Variants in KPNA1 observed in about 807,000 individuals in gnomAD.
The protein encoded by KPNA1 is karyopherin subunit alpha 1, also known as importin subunit alpha-5.
Under a neutral mutation model 70.5 loss-of-function variants are expected in KPNA1, and 10 were observed. That is an observed-to-expected ratio of 0.14 (90% CI 0.09 to 0.24). The LOEUF (loss-of-function observed/expected upper bound fraction) is 0.24, where lower values mean the gene tolerates loss of function less well. Among genes scored for constraint, KPNA1 ranks in the 10% least tolerant of loss-of-function variants. KPNA1 has a pLI of 1.00. For missense variants in KPNA1, 397 were observed against 637.9 expected (o/e 0.62, Z 4.07); for synonymous variants, 192 against 221.9 (o/e 0.87, Z 1.20).
chr3:122,433,396 C>T, intron 12 of KPNA1: 1 of 323,096 alleles, frequency 3.1e-6, no homozygotes, highest in Non-Finnish European at 5.6e-6. Flanking sequence ...TCGACTATGC[C>T]TACTTCTTAT....
At chr3:122,505,411 T>C (rs1191974464) in intron 1 of KPNA1, among the ~76,000 whole-genome samples, 1 of 151,984 alleles carries the variant, frequency 6.6e-6, no homozygotes, top group Non-Finnish European at 1.5e-5. Context: ...GGACTGAAGA[T>C]AGCTTTGATA....
chr3:122,462,929 A>C (rs1359244805), intron 4 of KPNA1, among the ~76,000 whole-genome samples: 1 of 152,188 alleles, frequency 6.6e-6, no homozygotes, highest in African/African-American at 2.4e-5. Flanking sequence ...TATATCAAAA[A>C]AAGTACTTAC....
Position 122,423,560 on chromosome 3 carries a change from GA to G in KPNA1, c.*3424del, listed in dbSNP as rs2075783665. The G allele has an allele frequency of 6.6e-6, 1 of 152,424 alleles. No individual in the cohort carries two copies. Among genetic ancestry groups the G allele is most frequent in the Admixed American group, 6.5e-5 (1 of 15,276 alleles). The allele number at this position is 152,424 out of a possible 1,614,324, so 9.4% of individuals were successfully genotyped here. A position where few individuals can be genotyped will look rare whatever the true frequency, so the allele number is the denominator to read the frequency against. On this transcript the variant is annotated 3_prime_UTR_variant, in exon 14 of 14. Transcript: ENST00000344337. ...ATAAAAATTTTCACAAAACTAGCGAGAAAGAAAAACCCCTTGACTCCAGGAA... is the reference window on the plus strand; with the variant it reads ...ATAAAAATTTTCACAAAACTAGCGAGAAGAAAAACCCCTTGACTCCAGGAA...
rs538543382 is a variant in KPNA1 at position 122,436,689 on chromosome 3, C to A, written c.1122+481G>T. Among the ~76,000 whole-genome samples the A allele has an allele frequency of 1.6e-4, 24 of 152,316 alleles. No individual in the cohort carries two copies. The South Asian group carries it at 5.0e-3, about 32-fold the overall frequency. Reference sequence around the variant, plus strand: ...TAAGTGTAAATTTCAAAAGACTTAACATCTATAAGCTAGGATAAAGTAAAA... The same window carrying A: ...TAAGTGTAAATTTCAAAAGACTTAAAATCTATAAGCTAGGATAAAGTAAAA... On this transcript the variant is annotated intron_variant, in intron 11 of 13. Transcript: ENST00000344337.
At position 122,488,033 on chromosome 3, in the gene KPNA1, G is replaced by A. The variant is rs2076650170; in HGVS notation, c.129+8404C>T. Reference sequence around the variant, plus strand: ...ATGTAGAAAATCTGAATGTTGACTAGATGCTTAATATTAAAAAACTAACTT... The same window carrying A: ...ATGTAGAAAATCTGAATGTTGACTAAATGCTTAATATTAAAAAACTAACTT... On this transcript the variant is annotated intron_variant, in intron 2 of 13. Coordinates refer to ENST00000344337, the MANE Select transcript of KPNA1 (RefSeq NM_002264.4). Among the ~76,000 whole-genome samples, 4 of 152,218 alleles carry A rather than the reference G, an allele frequency of 2.6e-5. No individual in the cohort carries two copies. In the South Asian group the frequency reaches 8.3e-4, roughly 32 times the overall value.
rs1453056790 is a variant in KPNA1 at position 122,425,682 on chromosome 3, A to T, written c.*1303T>A. On this transcript the variant is annotated 3_prime_UTR_variant, in exon 14 of 14. Transcript: ENST00000344337. The stretch of plus-strand genomic sequence containing the variant: ...AGGTACAGATTGCAGTCATCATTAA[A>T]TGAGCCAGAAGGCAGATACTGTTTT... The T allele has an allele frequency of 1.3e-5, 2 of 152,712 alleles. No homozygotes were observed. Among genetic ancestry groups the T allele is most frequent in the East Asian group, 3.8e-4 (2 of 5,206 alleles). 9.5% of individuals were successfully genotyped at this position (152,712 alleles called of 1,614,324 possible).
chr3:122,497,075 T>G (rs2076771623), intron 1 of KPNA1, among the ~76,000 whole-genome samples: 1 of 152,216 alleles, frequency 6.6e-6, no homozygotes, highest in Admixed American at 6.5e-5. Flanking sequence ...TGTACAACCT[T>G]CATCATAGTG....
chr3:122,504,411 C>T (rs1382844530), intron 1 of KPNA1, among the ~76,000 whole-genome samples: 1 of 152,102 alleles, frequency 6.6e-6, no homozygotes, highest in Admixed American at 6.5e-5. Context: ...ACCCAAAGGC[C>T]TCATCTTCAA....
intron 1 of KPNA1, among the ~76,000 whole-genome samples, chr3:122,506,948 T>C (rs2107509279): frequency 6.6e-6 from 1 of 152,314 alleles, no homozygotes; most frequent in Admixed American, 6.5e-5. Flanking sequence ...GTAGTATGTG[T>C]AAGACTGTTC....
At chr3:122,462,202 A>C (rs1272009631) in intron 4 of KPNA1, among the ~76,000 whole-genome samples, 3 of 151,762 alleles carry the variant, frequency 2.0e-5, no homozygotes, top group South Asian at 2.1e-4. Flanking sequence ...AAGAACAATA[A>C]GTCAGAATAG....
At chr3:122,502,141 A>G (rs185993583) in intron 1 of KPNA1, among the ~76,000 whole-genome samples, 11 of 152,306 alleles carry the variant, frequency 7.2e-5, no homozygotes, top group Non-Finnish European at 1.5e-4. Context: ...CCTTTTACAG[A>G]TAAGGAATCA....
At chr3:122,431,886 C>G (rs2075915125) in intron 12 of KPNA1, among the ~76,000 whole-genome samples, 1 of 151,874 alleles carries the variant, frequency 6.6e-6, no homozygotes, top group Non-Finnish European at 1.5e-5. Flanking sequence ...TCACTGCAAC[C>G]TCTGCCTCCC....
chr3:122,430,131 T>C (rs2075881336), intron 12 of KPNA1, among the ~76,000 whole-genome samples: 1 of 152,036 alleles, frequency 6.6e-6, no homozygotes, highest in Admixed American at 6.6e-5. Context: ...CTTTTTTAAT[T>C]GTGTGGTGGC....
At chr3:122,442,886 G>C (rs537682877) in intron 9 of KPNA1, 1 of 152,278 alleles carries the variant, frequency 6.6e-6, no homozygotes, top group Non-Finnish European at 1.5e-5. Context: ...CAGAGTGATC[G>C]ACGCAGAAGA....
chr3:122,509,331 A>C (rs1445484563), intron 1 of KPNA1, among the ~76,000 whole-genome samples: 4 of 152,182 alleles, frequency 2.6e-5, no homozygotes, highest in Non-Finnish European at 4.4e-5. Context: ...GTAGGCACAT[A>C]CACTAATTCT....
intron 2 of KPNA1, among the ~76,000 whole-genome samples, chr3:122,494,446 A>G (rs530986224): frequency 9.9e-5 from 15 of 152,276 alleles, no homozygotes; most frequent in African/African-American, 3.6e-4. Context: ...GGTTGACAGT[A>G]TGGGGCTTTA....
intron 12 of KPNA1, among the ~76,000 whole-genome samples, chr3:122,428,557 T>A (rs181878756): frequency 5.0e-4 from 76 of 152,254 alleles, no homozygotes; most frequent in Middle Eastern, 3.4e-3. Flanking sequence ...CATCACTTGA[T>A]CTCATGGATA....
chr3:122,505,955 G>A (rs1316360605), intron 1 of KPNA1, among the ~76,000 whole-genome samples: 1 of 152,138 alleles, frequency 6.6e-6, no homozygotes, highest in Non-Finnish European at 1.5e-5. Context: ...CCTTTTCACT[G>A]TATCACTTCA....
At chr3:122,459,340 G>A (rs540314786) in intron 5 of KPNA1, 34 of 822,512 alleles carry the variant, frequency 4.1e-5, no homozygotes, top group African/African-American at 2.0e-4. Context: ...AATAAAAACC[G>A]CCAGATCAAG....
Sources: gnomAD v4.1 joint callset for allele counts (sites outside exome capture counted in the v4.1 genomes callset) on GRCh38, gnomAD v4.1.1 for gene constraint, MANE v1.5 for transcripts, NCBI Gene and HGNC (gene_info 2026-07-23, HGNC 2026-07-21) for gene names.